ABCA13: variants seen among roughly 807,000 people sequenced by gnomAD.
ABCA13 encodes the protein ATP binding cassette subfamily A member 13.
A neutral mutation model predicts 478.7 loss-of-function variants in ABCA13; 476 were observed. The ratio of observed to expected loss-of-function variants is 0.99; its 90% confidence interval spans 0.92 to 1.07. ABCA13 has a LOEUF of 1.07. Ranked by LOEUF, ABCA13 falls within the 50% of genes least tolerant of loss-of-function variation. The pLI is 0.00. For synonymous variants in ABCA13, 2,252 were observed against 2,158.9 expected, an observed-to-expected ratio of 1.04 and a Z score of -1.20; for missense variants, 6,060 against 5,910.6, an observed-to-expected ratio of 1.03 and a Z score of -0.83.
At position 48,332,734 on chromosome 7, in the gene ABCA13, T is replaced by C. The variant is rs545083246; in HGVS notation, c.10000-2688T>C. Among the ~76,000 whole-genome samples the C allele has an allele frequency of 2.0e-5, 3 of 152,366 alleles. No individual in the cohort carries two copies. In the East Asian group the frequency reaches 5.8e-4, roughly 29 times the overall value. Reference sequence around the variant, plus strand: ...TAGATTCAGAATTCACAATGACAATTCTTTTCTTACGTCGTGATAAATGTT... The same window carrying C: ...TAGATTCAGAATTCACAATGACAATCCTTTTCTTACGTCGTGATAAATGTT... On this transcript the variant is annotated intron_variant, in intron 27 of 61. Transcript: ENST00000435803.
At chr7:48,320,139 A>G (rs1803225424) in intron 27 of ABCA13, among the ~76,000 whole-genome samples, 1 of 152,240 alleles carries the variant, frequency 6.6e-6, no homozygotes, top group South Asian at 2.1e-4. Context: ...AGTTTATTTG[A>G]GCATTCGGTT....
At chr7:48,347,581 G>A (rs1808310406) in intron 29 of ABCA13, among the ~76,000 whole-genome samples, 1 of 152,218 alleles carries the variant, frequency 6.6e-6, no homozygotes, top group Non-Finnish European at 1.5e-5. Flanking sequence ...CTCCGCATCA[G>A]CCAGTCCAGG....
intron 55 of ABCA13, among the ~76,000 whole-genome samples, chr7:48,545,043 A>G (rs1784697988): frequency 6.6e-6 from 1 of 151,934 alleles, no homozygotes; most frequent in Non-Finnish European, 1.5e-5. Context: ...AGCAGAGGAA[A>G]AACAGAGTTT....
intron 15 of ABCA13, among the ~76,000 whole-genome samples, chr7:48,263,484 T>C (rs1526096): frequency 0.7 from 106,010 of 151,642 alleles, 37,535 homozygotes; most frequent in East Asian, 0.99. Context: ...AACATTGCAT[T>C]TGACACAGAT....
At chr7:48,577,476 A>G (rs1297118986) in intron 55 of ABCA13, among the ~76,000 whole-genome samples, 2 of 152,140 alleles carry the variant, frequency 1.3e-5, no homozygotes, top group Non-Finnish European at 2.9e-5. Context: ...CACATCTTTG[A>G]TAACTTACTT....
chr7:48,202,179 C>CT (rs1798854572), intron 3 of ABCA13, among the ~76,000 whole-genome samples: 1 of 151,534 alleles, frequency 6.6e-6, no homozygotes, highest in Admixed American at 6.6e-5. Context: ...ACCCTAGTGG[C>CT]TTGCCGCTGC....
At chr7:48,291,609 C>T (rs1339205418) in intron 20 of ABCA13, among the ~76,000 whole-genome samples, 1 of 152,132 alleles carries the variant, frequency 6.6e-6, no homozygotes, top group Non-Finnish European at 1.5e-5. Context: ...TAATTCAATC[C>T]CTGCTCCTCA....
At chr7:48,473,823 A>G (rs1827785595) in intron 45 of ABCA13, among the ~76,000 whole-genome samples, 1 of 152,168 alleles carries the variant, frequency 6.6e-6, no homozygotes, top group Non-Finnish European at 1.5e-5. Context: ...TCTTTTTTCT[A>G]GAGATTTTAG....
chr7:48,262,182 T>C (rs1256498324), intron 15 of ABCA13, among the ~76,000 whole-genome samples: 1 of 152,008 alleles, frequency 6.6e-6, no homozygotes, highest in East Asian at 1.9e-4. Flanking sequence ...AGTAATGTTG[T>C]TACATCCATA....
chr7:48,374,249 G>T (rs1813102303), intron 33 of ABCA13, 98 bp from the exon 34 acceptor site: 2 of 1,104,356 alleles, frequency 1.8e-6, no homozygotes, highest in East Asian at 2.8e-5. Flanking sequence ...AGAATGAAAA[G>T]TTGTCATGGC....
intron 31 of ABCA13, among the ~76,000 whole-genome samples, chr7:48,366,970 G>T (rs1028269740): frequency 1.3e-5 from 2 of 152,130 alleles, no homozygotes; most frequent in Non-Finnish European, 2.9e-5. Context: ...GCTCATTCAT[G>T]TATCACCAGC....
intron 55 of ABCA13, among the ~76,000 whole-genome samples, chr7:48,534,682 T>C (rs1474097601): frequency 6.6e-6 from 1 of 152,194 alleles, no homozygotes; most frequent in East Asian, 1.9e-4. Flanking sequence ...CCCAAACTTC[T>C]TGGAGGCTTT....
Position 48,273,463 on chromosome 7 carries a change from A to G in ABCA13, c.3797A>G (p.Gln1266Arg). ...TTCACCATGGAAGCTGCCCTGCATC[A>G]GTTGAAGACATTTCCATTCAACGAA... ...SLFTMEAALH[Q>R]LKTFPFNEST... Residue 1266 changes from glutamine to arginine, a missense_variant, in exon 17 of 62, where the codon CAG becomes CGG. This residue lies in a region of ABCA13 where 4,423 missense variants were observed against 4,309.1 expected (regional missense o/e 1.03). Coordinates refer to ENST00000435803, the MANE Select transcript of ABCA13 (RefSeq NM_152701.5). 1 of 1,611,148 alleles carries G rather than the reference A, an allele frequency of 6.2e-7. No homozygotes were observed. Among genetic ancestry groups the G allele is most frequent in the Non-Finnish European group, 8.5e-7 (1 of 1,178,374 alleles).
At chr7:48,510,316 C>T (rs1215779272) in intron 50 of ABCA13, among the ~76,000 whole-genome samples, 2 of 152,158 alleles carry the variant, frequency 1.3e-5, no homozygotes, top group South Asian at 2.1e-4. Flanking sequence ...CCATGGATGA[C>T]GTGCAGGAAG....
At chr7:48,404,367 G>T (rs1007406977) in intron 39 of ABCA13, 1 of 181,948 alleles carries the variant, frequency 5.5e-6, no homozygotes, top group South Asian at 9.8e-5. Flanking sequence ...TAGGACATTT[G>T]ATGGGCAGTT....
intron 55 of ABCA13, among the ~76,000 whole-genome samples, chr7:48,538,099 C>CTTTTTTTTTTTT (rs1563409461): frequency 3.3e-5 from 4 of 120,008 alleles, no homozygotes; most frequent in African/African-American, 6.6e-5. Flanking sequence ...TTCTTTCTTT[C>CTTTTTTTTTTTT]CTTTTTTTTT....
At chr7:48,627,900 T>C (rs1793813206) in intron 59 of ABCA13, among the ~76,000 whole-genome samples, 1 of 152,130 alleles carries the variant, frequency 6.6e-6, no homozygotes, top group African/African-American at 2.4e-5. Context: ...ACTAGCCAAG[T>C]TCCCTGAGAA....
In ABCA13 at chr7:48,428,763, G is replaced by T. The variant is rs187850660; in HGVS notation, c.12565+892G>T. Among the ~76,000 whole-genome samples, 13 of 152,208 alleles carry T rather than the reference G, an allele frequency of 8.5e-5. No homozygotes were observed. The East Asian group carries it at 2.3e-3, about 27-fold the overall frequency. On this transcript the variant is annotated intron_variant, in intron 42 of 61. Transcript: ENST00000435803. ...TGCATTCTCCTAATGATTATGTTAG[G>T]CATATATTTTTATTTCCCACAGCTT...
At chr7:48,288,870 A>C (rs1169818792) in intron 20 of ABCA13, among the ~76,000 whole-genome samples, 1 of 152,166 alleles carries the variant, frequency 6.6e-6, no homozygotes, top group African/African-American at 2.4e-5. Flanking sequence ...TTGTCCTAGA[A>C]TTAAAGACCC....
Sources: allele counts gnomAD v4.1 joint callset (sites outside exome capture counted in the v4.1 genomes callset), GRCh38; gene constraint gnomAD v4.1.1; regional missense constraint gnomAD v4.1.1; transcripts MANE v1.5; gene names NCBI Gene and HGNC (gene_info 2026-07-23, HGNC 2026-07-21).